Variants in SHANK2 observed in about 807,000 individuals in gnomAD.
The protein encoded by SHANK2 is SH3 and multiple ankyrin repeat domains 2.
SHANK2 carries 43 observed loss-of-function variants against 133.7 expected under a neutral mutation model. The ratio of observed to expected loss-of-function variants is 0.32; its 90% CI spans 0.25 to 0.41. SHANK2 has a LOEUF of 0.41. Among genes scored for constraint, SHANK2 ranks in the 10% least tolerant of loss-of-function variants. The pLI, the probability that SHANK2 is intolerant of heterozygous loss-of-function variation, is 1.00. For synonymous variants in SHANK2, 1,017 were observed against 952.8 expected (o/e 1.07, Z -1.24); for missense variants, 1,994 against 2,235.8 (o/e 0.89, Z 2.18).
At chr11:71,214,181 C>T (rs1954351093) in intron 2 of SHANK2, among the ~76,000 whole-genome samples, 2 of 152,202 alleles carry the variant, frequency 1.3e-5, no homozygotes, top group South Asian at 4.1e-4. Context: ...TCCCCTGTGG[C>T]CCCAGGGCTC....
At chr11:71,144,356 T>C (rs1219061296) in intron 3 of SHANK2, among the ~76,000 whole-genome samples, 1 of 152,082 alleles carries the variant, frequency 6.6e-6, no homozygotes, top group Admixed American at 6.5e-5. Context: ...CCAGGGAAGG[T>C]GATGGATGCA....
At chr11:71,149,239 C>T (rs536866067) in intron 2 of SHANK2, among the ~76,000 whole-genome samples, 2 of 152,164 alleles carry the variant, frequency 1.3e-5, no homozygotes, top group South Asian at 4.1e-4. Flanking sequence ...TGCCTTCCCC[C>T]GCCACTGGTG....
chr11:70,781,879 T>C (rs1591838994), intron 14 of SHANK2, among the ~76,000 whole-genome samples: 1 of 151,188 alleles, frequency 6.6e-6, no homozygotes, highest in Non-Finnish European at 1.5e-5. Flanking sequence ...CCAACAATGA[T>C]AGACTGGGTT....
intron 11 of SHANK2, among the ~76,000 whole-genome samples, chr11:70,879,696 C>T (rs782053523): frequency 2.6e-5 from 4 of 152,232 alleles, no homozygotes; most frequent in African/African-American, 9.6e-5. Flanking sequence ...ATCCCTTGCC[C>T]CAAAGGCCAT....
chr11:70,743,184 G>A (rs1321370075), intron 14 of SHANK2, among the ~76,000 whole-genome samples: 3 of 152,226 alleles, frequency 2.0e-5, no homozygotes, highest in African/African-American at 2.4e-5. Context: ...AGCCAGGAAC[G>A]CAGGAGCTGC....
intron 10 of SHANK2, among the ~76,000 whole-genome samples, chr11:70,896,795 A>G (rs568842032): frequency 1.3e-5 from 2 of 152,302 alleles, no homozygotes; most frequent in South Asian, 4.2e-4. Context: ...TCTACAACCT[A>G]TATGAGTGGG....
chr11:70,475,684 G>A (rs1442087503), intron 25 of SHANK2, among the ~76,000 whole-genome samples: 1 of 152,184 alleles, frequency 6.6e-6, no homozygotes, highest in East Asian at 1.9e-4. Flanking sequence ...GTGTTTGCAG[G>A]GGCTGGTGGG....
rs1210375485 is a variant in SHANK2 at position 70,490,177 on chromosome 11, G to A, written c.2551+99C>T. On this transcript the variant is annotated intron_variant, in intron 23 of 25. Transcript: ENST00000601538. Reference sequence around the variant, plus strand: ...GGCCTTGCTGGGGTGGGACGCCAAGGCAACTGTGAGAGGCCCAGGGCTCAG... The same window carrying A: ...GGCCTTGCTGGGGTGGGACGCCAAGACAACTGTGAGAGGCCCAGGGCTCAG... The A allele has an allele frequency of 3.0e-5, 31 of 1,047,322 alleles. No individual in the cohort carries two copies. The Admixed American group carries it at 5.8e-4, about 20-fold the overall frequency. The allele number at this position is 1,047,322 out of a possible 1,614,324, so 64.9% of individuals were successfully genotyped here. A position where few individuals can be genotyped will look rare whatever the true frequency, so the allele number is the denominator to read the frequency against.
At chr11:70,810,885 C>T (rs142133222) in intron 12 of SHANK2, among the ~76,000 whole-genome samples, 51 of 152,280 alleles carry the variant, frequency 3.3e-4, no homozygotes, top group Admixed American at 5.9e-4. Context: ...AGGGCTATGC[C>T]GACATCATCT....
chr11:70,753,226 G>A (rs1221460758), intron 14 of SHANK2, among the ~76,000 whole-genome samples: 2 of 147,726 alleles, frequency 1.4e-5, no homozygotes, highest in Non-Finnish European at 1.5e-5. Context: ...ACAGCCACAC[G>A]ATGATACTGG....
intron 21 of SHANK2, among the ~76,000 whole-genome samples, chr11:70,492,787 GTTTTTTTT>G (rs34452642): frequency 7.2e-4 from 51 of 70,596 alleles, no homozygotes; most frequent in African/African-American, 2.8e-3. Context: ...ACATTTCTGT[GTTTTTTTT>G]TTTTTTTTTT....
At chr11:70,910,761 C>G (rs1238859032) in intron 10 of SHANK2, among the ~76,000 whole-genome samples, 1 of 151,006 alleles carries the variant, frequency 6.6e-6, no homozygotes. Context: ...GAGCTGAGAT[C>G]GCACAACTGC....
chr11:70,798,842 T>C (rs1555049828), intron 13 of SHANK2, among the ~76,000 whole-genome samples: 1 of 152,204 alleles, frequency 6.6e-6, no homozygotes, highest in Non-Finnish European at 1.5e-5. Flanking sequence ...CCACGTCATA[T>C]GAATGGATGT....
intron 14 of SHANK2, among the ~76,000 whole-genome samples, chr11:70,729,336 T>A (rs539704961): frequency 1.3e-5 from 2 of 151,900 alleles, no homozygotes; most frequent in South Asian, 4.2e-4. Flanking sequence ...GATACACATG[T>A]CCACAGAGGC....
At chr11:70,533,057 G>T (rs568850818) in intron 17 of SHANK2, among the ~76,000 whole-genome samples, 1 of 152,242 alleles carries the variant, frequency 6.6e-6, no homozygotes, top group Non-Finnish European at 1.5e-5. Flanking sequence ...AATTCACAGC[G>T]GCGGAAAGCA....
intron 11 of SHANK2, among the ~76,000 whole-genome samples, chr11:70,840,512 A>C (rs1555061368): frequency 6.6e-6 from 1 of 152,202 alleles, no homozygotes. Flanking sequence ...AGAGGAGCAG[A>C]GTGTCCATGG....
intron 11 of SHANK2, among the ~76,000 whole-genome samples, chr11:70,875,719 G>A (rs113104182): frequency 0.014 from 2,155 of 152,176 alleles, 53 homozygotes; most frequent in African/African-American, 0.049. Flanking sequence ...GCTGGGTGTG[G>A]TGACGCATAC....
At chr11:70,732,281 G>A (rs1382667607) in intron 14 of SHANK2, among the ~76,000 whole-genome samples, 1 of 152,206 alleles carries the variant, frequency 6.6e-6, no homozygotes, top group Non-Finnish European at 1.5e-5. Context: ...CAGACAGCAA[G>A]TGCCTGCAGG....
chr11:70,500,095 G>A lies in SHANK2; in HGVS notation c.2308+475C>T, dbSNP rs1555158053. On this transcript the variant is annotated intron_variant, in intron 21 of 25. Transcript: ENST00000601538. This position sits in a 1 kb window ranked among gnomAD's most constrained non-coding sequence, Gnocchi z 4.5. ...CTCCACACCAGCCCTGGGTGGGGAG[G>A]TGTAGCCAAAGGGCTCACACTGCTC... 6.6e-6 allele frequency among the ~76,000 whole-genome samples: 1 copy of A among 152,166 alleles called. No individual in the cohort carries two copies. The highest frequency in any genetic ancestry group is 2.4e-5 in the African/African-American group (1 of 41,456).
Sources: gnomAD v4.1 joint callset for allele counts (sites outside exome capture counted in the v4.1 genomes callset) on GRCh38, gnomAD v4.1.1 for gene constraint, Gnocchi (gnomAD v3.1) non-coding constraint, MANE v1.5 for transcripts, NCBI Gene and HGNC (gene_info 2026-07-23, HGNC 2026-07-21) for gene names.